PRSS23: variants seen among roughly 807,000 people sequenced by gnomAD.
The protein encoded by PRSS23 is protease, serine 23.
Under a neutral mutation model 34.7 loss-of-function variants are expected in PRSS23, and 25 were observed. The observed-to-expected ratio is 0.72, with a 90% CI of 0.53 to 1.01. PRSS23 has a LOEUF of 1.01. PRSS23 is among the 50% of genes least tolerant of loss of function. The pLI is 0.00. For missense variants in PRSS23, 445 were observed against 475.6 expected (o/e 0.94, Z 0.60); for synonymous variants, 176 against 186.6 (o/e 0.94, Z 0.46).
intron 2 of PRSS23, among the ~76,000 whole-genome samples, chr11:86,929,998 A>G (rs575696493): frequency 6.6e-6 from 1 of 152,260 alleles, no homozygotes; most frequent in African/African-American, 2.4e-5. Context: ...TAATAGTATA[A>G]CACTAATAGT....
chr11:86,945,974 G>T (rs1045689207), intron 2 of PRSS23: 2 of 152,714 alleles, frequency 1.3e-5, no homozygotes. Flanking sequence ...CATCCAGCCC[G>T]ACTGCTGCAC....
intron 2 of PRSS23, among the ~76,000 whole-genome samples, chr11:86,915,995 C>T (rs780339372): frequency 3.3e-5 from 5 of 151,972 alleles, no homozygotes; most frequent in Non-Finnish European, 7.4e-5. Flanking sequence ...GCAGAGGTTA[C>T]AGTGAGCCGA....
At chr11:86,884,595 C>G (rs970398513) in intron 2 of PRSS23, among the ~76,000 whole-genome samples, 4 of 152,234 alleles carry the variant, frequency 2.6e-5, no homozygotes, top group African/African-American at 9.6e-5. Flanking sequence ...AGCCACCACA[C>G]CCAGTCTTGC....
chr11:86,930,186 TAA>T (rs35103355), intron 2 of PRSS23, among the ~76,000 whole-genome samples: 6 of 150,186 alleles, frequency 4.0e-5, no homozygotes, highest in African/African-American at 7.4e-5. Context: ...GAAGTTCCTT[TAA>T]AAAAAAAAAT....
intron 2 of PRSS23, among the ~76,000 whole-genome samples, chr11:86,860,549 G>C (rs77210065): frequency 0.091 from 13,759 of 151,990 alleles, 858 homozygotes; most frequent in Non-Finnish European, 0.13. Context: ...TATCCAGGGA[G>C]GGAGAGGATG....
At chr11:86,813,750 G>C (rs542372635), downstream of PRSS23, among the ~76,000 whole-genome samples, 2 of 152,116 alleles carry the variant, frequency 1.3e-5, no homozygotes, top group South Asian at 4.2e-4. Flanking sequence ...ACTTATGAAG[G>C]CAAAAGTGCT....
chr11:86,824,834 AT>A (rs1473568004), intron 2 of PRSS23, among the ~76,000 whole-genome samples: 3 of 152,158 alleles, frequency 2.0e-5, no homozygotes, highest in Non-Finnish European at 4.4e-5. Context: ...GCTGCATAGT[AT>A]TCCATGATGT....
intron 2 of PRSS23, among the ~76,000 whole-genome samples, chr11:86,905,875 A>G (rs1467924452): frequency 6.6e-6 from 1 of 152,222 alleles, no homozygotes; most frequent in Non-Finnish European, 1.5e-5. Context: ...GACCAACACA[A>G]CGGTGAAAAT....
intron 2 of PRSS23, among the ~76,000 whole-genome samples, chr11:86,879,788 TG>T (rs1948759023): frequency 1.8e-5 from 1 of 54,408 alleles, no homozygotes; most frequent in Non-Finnish European, 3.8e-5. Flanking sequence ...GTCAGCCCCC[TG>T]CCCGGCCAGC....
At position 86,890,816 on chromosome 11, in the gene PRSS23, C is replaced by G. The variant is rs74605922; in HGVS notation, c.207-60400C>G. Among the ~76,000 whole-genome samples, 1,374 of 152,300 alleles carry G rather than the reference C, an allele frequency of 9.0e-3. 21 individuals are homozygous for G. The highest frequency in any genetic ancestry group is 0.032 in the African/African-American group (1,328 of 41,566). Reference sequence around the variant, plus strand: ...CATGTGGTTATGTTGTCCAGCCCACCACCACTGGACTTTCTCTTCTGTGTG... The same window carrying G: ...CATGTGGTTATGTTGTCCAGCCCACGACCACTGGACTTTCTCTTCTGTGTG... On this transcript the variant is annotated intron_variant, in intron 2 of 2. Coordinates refer to the PRSS23 transcript ENST00000533902.
At chr11:86,881,655 T>C (rs1388546294) in intron 2 of PRSS23, among the ~76,000 whole-genome samples, 2 of 152,182 alleles carry the variant, frequency 1.3e-5, no homozygotes, top group African/African-American at 4.8e-5. Flanking sequence ...TTTTGAATAA[T>C]GTGTGAAAAA....
At chr11:86,871,737 T>A (rs1008335961) in intron 2 of PRSS23, among the ~76,000 whole-genome samples, 2 of 152,198 alleles carry the variant, frequency 1.3e-5, no homozygotes, top group Non-Finnish European at 2.9e-5. Flanking sequence ...AACTCTGATA[T>A]TCATAACTCT....
intron 2 of PRSS23, among the ~76,000 whole-genome samples, chr11:86,829,226 C>T (rs553827587): frequency 8.3e-4 from 126 of 152,224 alleles, no homozygotes; most frequent in African/African-American, 2.9e-3. Flanking sequence ...CTTCCCTTCT[C>T]GCTTCATTTC....
At chr11:86,800,333 C>T, upstream of PRSS23, 1 of 575,780 alleles carries the variant, frequency 1.7e-6, no homozygotes, top group Non-Finnish European at 2.2e-6. Context: ...CGGGGCCCAC[C>T]TGCGCAGGGA....
chr11:86,919,016 T>C (rs374908071), intron 2 of PRSS23, among the ~76,000 whole-genome samples: 9 of 152,224 alleles, frequency 5.9e-5, no homozygotes, highest in South Asian at 4.2e-4. Context: ...GTAAAGTTAG[T>C]TGGAATTAAA....
intron 2 of PRSS23, among the ~76,000 whole-genome samples, chr11:86,881,072 T>C (rs1948769345): frequency 6.6e-6 from 1 of 152,152 alleles, no homozygotes; most frequent in Non-Finnish European, 1.5e-5. Context: ...GAACCTCCAG[T>C]ATAATGTTGA....
intron 2 of PRSS23, among the ~76,000 whole-genome samples, chr11:86,856,122 G>A (rs1458447966): frequency 6.6e-6 from 1 of 152,118 alleles, no homozygotes; most frequent in East Asian, 1.9e-4. Flanking sequence ...ATCAATGTGT[G>A]TATAAATCTA....
Position 86,808,135 on chromosome 11 carries a change from G to C in PRSS23, c.492G>C (p.Leu164=). The C allele has an allele frequency of 1.9e-6, 3 of 1,614,210 alleles. No individual in the cohort carries two copies. Among genetic ancestry groups the C allele is most frequent in the Non-Finnish European group, 2.5e-6 (3 of 1,180,038 alleles). ...VKLSTGCTGT[L]VAEKHVLTAA... is the part of the protein sequence containing the mutation. ...TATCCACGGGCTGCACCGGCACCCT[G>C]GTGGCAGAGAAGCATGTCCTCACAG... Residue 164 remains leucine, a synonymous_variant, in exon 2 of 2, where the codon CTG becomes CTC. Transcript: ENST00000280258.
chr11:86,939,361 GAAT>G (rs1400505106), intron 2 of PRSS23, among the ~76,000 whole-genome samples: 1 of 107,026 alleles, frequency 9.3e-6, no homozygotes, highest in Non-Finnish European at 2.2e-5. Context: ...GACCTCAGGA[GAAT>G]AATTTTTCCA....
Sources: gnomAD v4.1 joint callset for allele counts (sites outside exome capture counted in the v4.1 genomes callset) on GRCh38, gnomAD v4.1.1 for gene constraint, MANE v1.5 for transcripts, NCBI Gene and HGNC (gene_info 2026-07-23, HGNC 2026-07-21) for gene names.